Variants in MED27 observed in about 807,000 individuals in gnomAD.
MED27 encodes the protein mediator complex subunit 27, also known as mediator of RNA polymerase II transcription subunit 27.
Under a neutral mutation model 38.2 loss-of-function variants are expected in MED27, and 30 were observed. The ratio of observed to expected loss-of-function variants is 0.79; its 90% CI spans 0.59 to 1.07. The LOEUF is 1.07. Among genes scored for constraint, MED27 ranks in the 50% least tolerant of loss-of-function variants. The pLI is 0.00. For missense variants in MED27, 289 were observed against 397.5 expected (o/e 0.73, Z 2.32); for synonymous variants, 122 against 153.5 (o/e 0.79, Z 1.52).
At chr9:132,021,890 A>G (rs1012529024) in intron 2 of MED27, among the ~76,000 whole-genome samples, 1 of 152,188 alleles carries the variant, frequency 6.6e-6, no homozygotes, top group African/African-American at 2.4e-5. Context: ...GCAAACCAGG[A>G]AAAGAGCCCT....
chr9:132,066,173 A>G (rs2131157476), intron 2 of MED27, among the ~76,000 whole-genome samples: 1 of 152,380 alleles, frequency 6.6e-6, no homozygotes, highest in Non-Finnish European at 1.5e-5. Flanking sequence ...CAGTGTGGTC[A>G]GCGTGACTGC....
At chr9:131,949,564 T>TA (rs1295859094) in intron 3 of MED27, among the ~76,000 whole-genome samples, 22 of 152,338 alleles carry the variant, frequency 1.4e-4, no homozygotes, top group African/African-American at 5.1e-4. Flanking sequence ...GCAGTGCTTT[T>TA]ATTAGGTCTG....
intron 4 of MED27, among the ~76,000 whole-genome samples, chr9:131,898,124 G>C (rs575859435): frequency 1.5e-4 from 19 of 127,018 alleles, no homozygotes; most frequent in Non-Finnish European, 3.0e-4. Flanking sequence ...TTTTTGGCAA[G>C]ATGACTTCCA....
intron 3 of MED27, among the ~76,000 whole-genome samples, chr9:132,008,329 C>T (rs73555356): frequency 1.3e-3 from 204 of 152,324 alleles, no homozygotes; most frequent in African/African-American, 4.6e-3. Flanking sequence ...GATCCCAATC[C>T]TATGAGGCTC....
At chr9:132,043,324 A>T (rs985626114) in intron 2 of MED27, among the ~76,000 whole-genome samples, 1 of 151,698 alleles carries the variant, frequency 6.6e-6, no homozygotes, top group Non-Finnish European at 1.5e-5. Context: ...CTTAAAAAAA[A>T]AAAAAGGAAT....
chr9:131,913,339 G>GTACAT lies in MED27; in HGVS notation c.574-19348_574-19347insATGTA, dbSNP rs142381121. 2.3e-4 allele frequency among the ~76,000 whole-genome samples: 35 copies of GTACAT among 152,318 alleles called. No individual in the cohort carries two copies. In the East Asian group the frequency reaches 5.2e-3, roughly 23 times the overall value. ...TCAAATCCCAGCTGTACCACTTAATGTGACCTTGAACAAGTTATTGAACCT... is the reference window on the plus strand; with the variant it reads ...TCAAATCCCAGCTGTACCACTTAATGTACATTGACCTTGAACAAGTTATTGAACCT... On this transcript the variant is annotated intron_variant, in intron 4 of 7. Transcript: ENST00000292035. This position sits in a 1 kb window ranked among gnomAD's most constrained non-coding sequence, Gnocchi z 4.5.
chr9:131,905,624 G>T (rs569964510), intron 4 of MED27, among the ~76,000 whole-genome samples: 1 of 149,864 alleles, frequency 6.7e-6, no homozygotes, highest in South Asian at 2.1e-4. Context: ...CTTGAGCCTG[G>T]GAGGTTGAGG....
intron 1 of MED27, among the ~76,000 whole-genome samples, chr9:132,079,306 G>C (rs1834122232): frequency 1.3e-5 from 2 of 152,148 alleles, no homozygotes; most frequent in Non-Finnish European, 2.9e-5. Context: ...GACGTGATGG[G>C]GCACAGAGGG....
chr9:132,071,320 CAGGCGTCCCATGAAT>C (rs1401453946), intron 2 of MED27, among the ~76,000 whole-genome samples: 1 of 151,848 alleles, frequency 6.6e-6, no homozygotes, highest in Non-Finnish European at 1.5e-5. Context: ...ACACGAGAAA[CAGGCGTCCCATGAAT>C]GAGCACACAC....
chr9:132,013,691 C>T (rs1275075092), intron 3 of MED27, among the ~76,000 whole-genome samples: 4 of 152,072 alleles, frequency 2.6e-5, no homozygotes, highest in Non-Finnish European at 4.4e-5. Flanking sequence ...TCAGCTGTCT[C>T]ATTTATAAAA....
intron 5 of MED27, among the ~76,000 whole-genome samples, chr9:131,890,090 T>G (rs1244521288): frequency 6.6e-6 from 1 of 152,132 alleles, no homozygotes; most frequent in Non-Finnish European, 1.5e-5. Context: ...ATAAATAAAG[T>G]ACACACACAC....
chr9:131,887,310 C>T (rs1167364898), intron 5 of MED27, among the ~76,000 whole-genome samples: 1 of 152,100 alleles, frequency 6.6e-6, no homozygotes, highest in African/African-American at 2.4e-5. Context: ...GGATGATGCT[C>T]TTTTTAAAAG....
rs373491236 is a variant in MED27, at chr9:131,941,857, G to A, written c.480-2383C>T. Among the ~76,000 whole-genome samples the A allele has an allele frequency of 2.0e-3, 207 of 106,064 alleles. 1 individual carries two copies. Among genetic ancestry groups the A allele is most frequent in the Non-Finnish European group, 3.0e-3 (167 of 56,266 alleles). The allele number at this position is 106,064 out of a possible 152,430, so 69.6% of individuals were successfully genotyped here. A position where few individuals can be genotyped will look rare whatever the true frequency, so the allele number is the denominator to read the frequency against. The stretch of plus-strand genomic sequence containing the variant: ...TTTTTTTTTTTTGAGACCGAGTCTC[G>A]CTCTGTCACCCAGGCTGGAGTGCAG... On this transcript the variant is annotated intron_variant, in intron 3 of 7. Transcript: ENST00000292035.
Position 131,928,758 on chromosome 9 carries a change from C to G in MED27, c.573+10623G>C, listed in dbSNP as rs545300743. ...CCTTGCCAGCGTGTGCTAAAGTGTT[C>G]TGGGGTTCTAGGTAAACTTGAAAGG... On this transcript the variant is annotated intron_variant, in intron 4 of 7. Coordinates refer to ENST00000292035, the MANE Select transcript of MED27 (RefSeq NM_004269.4). 2.7e-4 allele frequency among the ~76,000 whole-genome samples: 41 copies of G among 152,362 alleles called. No homozygotes were observed. In the South Asian group the frequency reaches 8.3e-3, roughly 31 times the overall value.
intron 4 of MED27, among the ~76,000 whole-genome samples, chr9:131,910,849 C>T (rs1022025854): frequency 5.9e-5 from 9 of 152,178 alleles, no homozygotes; most frequent in Non-Finnish European, 8.8e-5. Context: ...TGCGGAGGAT[C>T]GTTCTGCATT....
intron 2 of MED27, among the ~76,000 whole-genome samples, chr9:132,042,345 G>A (rs993198484): frequency 6.6e-6 from 1 of 152,196 alleles, no homozygotes; most frequent in Non-Finnish European, 1.5e-5. Context: ...CTTTATGCTC[G>A]AAAGTGTGTA....
At chr9:131,933,452 T>C (rs1830627827) in intron 4 of MED27, among the ~76,000 whole-genome samples, 1 of 152,148 alleles carries the variant, frequency 6.6e-6, no homozygotes, top group Admixed American at 6.5e-5. Context: ...AATTTCTATA[T>C]GCTAAGAGCG....
At chr9:132,073,744 TG>T in intron 2 of MED27, 1 of 1,510,022 alleles carries the variant, frequency 6.6e-7, no homozygotes, top group Non-Finnish European at 8.8e-7. Flanking sequence ...TTGCTCTTTC[TG>T]TAATAAAAAA....
chr9:131,925,411 T>C (rs1443241639), intron 4 of MED27, among the ~76,000 whole-genome samples: 2 of 152,186 alleles, frequency 1.3e-5, no homozygotes, highest in African/African-American at 2.4e-5. Flanking sequence ...CTCTTCATTA[T>C]TTTAAAATGT....
Sources: allele counts gnomAD v4.1 joint callset (sites outside exome capture counted in the v4.1 genomes callset), GRCh38; gene constraint gnomAD v4.1.1; non-coding constraint Gnocchi (gnomAD v3.1); transcripts MANE v1.5; gene names NCBI Gene and HGNC (gene_info 2026-07-23, HGNC 2026-07-21).